Variants in STPG2 observed in about 807,000 individuals in gnomAD.
STPG2 encodes the protein sperm tail PG-rich repeat containing 2.
STPG2 carries 56 observed loss-of-function variants against 54.2 expected under a neutral mutation model. The observed-to-expected ratio is 1.03, with a 90% confidence interval of 0.83 to 1.29. The LOEUF (loss-of-function observed/expected upper bound fraction) is 1.29. Ranked by LOEUF, STPG2 falls within the 50% of genes most tolerant of loss-of-function variation. The pLI, the probability that STPG2 is intolerant of heterozygous loss-of-function variation, is 0.00. For missense variants in STPG2, 596 were observed against 544.9 expected, an observed-to-expected ratio of 1.09 and a Z score of -0.93; for synonymous variants, 200 against 181.8, an observed-to-expected ratio of 1.10 and a Z score of -0.81.
chr4:97,626,063 A>T (rs1163663983), intron 10 of STPG2, among the ~76,000 whole-genome samples: 1 of 152,214 alleles, frequency 6.6e-6, no homozygotes, highest in African/African-American at 2.4e-5. Context: ...CATATGGGCA[A>T]AGTAGTCATC....
chr4:97,623,203 G>A (rs1427198091), intron 10 of STPG2, among the ~76,000 whole-genome samples: 3 of 151,910 alleles, frequency 2.0e-5, no homozygotes. Context: ...CATAGGACCT[G>A]GCAAAGATTT....
At chr4:97,857,716 G>A (rs190513292) in intron 8 of STPG2, among the ~76,000 whole-genome samples, 83 of 151,582 alleles carry the variant, frequency 5.5e-4, no homozygotes, top group Admixed American at 1.2e-3. Context: ...GACCAATCCC[G>A]GAAAAACAGA....
intron 9 of STPG2, among the ~76,000 whole-genome samples, chr4:97,817,003 T>C (rs1389337045): frequency 6.8e-6 from 1 of 148,112 alleles, no homozygotes; most frequent in East Asian, 1.9e-4. Flanking sequence ...TATATACATA[T>C]ATTTCCTATT....
chr4:97,899,297 A>G (rs1270180279), intron 8 of STPG2, among the ~76,000 whole-genome samples: 1 of 151,980 alleles, frequency 6.6e-6, no homozygotes, highest in African/African-American at 2.4e-5. Context: ...TGAGAGTTAC[A>G]AAACAGTGCT....
chr4:97,470,858 T>C (rs1729907309), intron 4 of STPG2, among the ~76,000 whole-genome samples: 1 of 151,998 alleles, frequency 6.6e-6, no homozygotes, highest in African/African-American at 2.4e-5. Flanking sequence ...TGAGATGAAG[T>C]GAGGTGAATG....
At chr4:97,752,667 A>T (rs1331047761) in intron 9 of STPG2, among the ~76,000 whole-genome samples, 1 of 151,788 alleles carries the variant, frequency 6.6e-6, no homozygotes, top group East Asian at 1.9e-4. Context: ...TACATTAATT[A>T]TTTGCTTATA....
At chr4:97,564,998 A>G (rs1732385650) in intron 10 of STPG2, among the ~76,000 whole-genome samples, 1 of 152,092 alleles carries the variant, frequency 6.6e-6, no homozygotes, top group South Asian at 2.1e-4. Flanking sequence ...TAGACTGGGG[A>G]AGTTCTCCTG....
intron 8 of STPG2, among the ~76,000 whole-genome samples, chr4:97,903,484 G>T (rs954473128): frequency 6.6e-6 from 1 of 150,748 alleles, no homozygotes. Flanking sequence ...GTAAATAAAG[G>T]AGAAAAATAA....
At chr4:97,686,979 C>A (rs529980840) in intron 10 of STPG2, among the ~76,000 whole-genome samples, 1 of 149,984 alleles carries the variant, frequency 6.7e-6, no homozygotes, top group South Asian at 2.1e-4. Context: ...CTCGCTCTGT[C>A]GCCCAGGCTG....
chr4:97,619,750 T>C (rs1733963429), intron 10 of STPG2, among the ~76,000 whole-genome samples: 1 of 152,072 alleles, frequency 6.6e-6, no homozygotes, highest in Non-Finnish European at 1.5e-5. Context: ...TCTCTTGCCC[T>C]TCCTAAGTAC....
intron 8 of STPG2, among the ~76,000 whole-genome samples, chr4:97,926,791 AATATT>A (rs1352295409): frequency 2.0e-5 from 3 of 152,156 alleles, no homozygotes; most frequent in African/African-American, 7.2e-5. Context: ...GTTCTTCATT[AATATT>A]ATATTAATAG....
chr4:97,601,342 A>G (rs1339448149), intron 10 of STPG2, among the ~76,000 whole-genome samples: 1 of 152,082 alleles, frequency 6.6e-6, no homozygotes, highest in African/African-American at 2.4e-5. Flanking sequence ...GACTTCTTCT[A>G]ATATGTTAAG....
At chr4:97,443,583 G>A (rs186371969) in intron 4 of STPG2, among the ~76,000 whole-genome samples, 178 of 152,140 alleles carry the variant, frequency 1.2e-3, no homozygotes, top group African/African-American at 4.1e-3. Flanking sequence ...ATAAGAGAAG[G>A]TTATACTCTA....
chr4:97,607,199 C>T (rs1316729108), intron 10 of STPG2, among the ~76,000 whole-genome samples: 1 of 151,906 alleles, frequency 6.6e-6, no homozygotes, highest in Non-Finnish European at 1.5e-5. Context: ...GTAAAATCAG[C>T]TGCTGCTGCT....
At chr4:97,715,558 G>A (rs2149010655) in intron 9 of STPG2, among the ~76,000 whole-genome samples, 1 of 151,884 alleles carries the variant, frequency 6.6e-6, no homozygotes, top group African/African-American at 2.4e-5. Context: ...ACATTAGAGT[G>A]GCCTCAGAAA....
chr4:98,015,096 T>TA (rs1331043119), intron 5 of STPG2, among the ~76,000 whole-genome samples: 2 of 152,094 alleles, frequency 1.3e-5, no homozygotes, highest in Admixed American at 6.5e-5. Context: ...CCTAAAAGCA[T>TA]AAAAACCCAA....
chr4:97,852,071 G>T (rs1729177228), intron 8 of STPG2, among the ~76,000 whole-genome samples: 1 of 152,096 alleles, frequency 6.6e-6, no homozygotes, highest in South Asian at 2.1e-4. Context: ...GGACATAATT[G>T]CTCCTAGTAC....
intron 1 of STPG2, among the ~76,000 whole-genome samples, chr4:98,135,761 A>T (rs995211784): frequency 1.3e-5 from 2 of 151,844 alleles, no homozygotes; most frequent in African/African-American, 4.8e-5. Context: ...GAAATCCTTA[A>T]AAGTAAGCCA....
At chr4:98,090,262 A>G (rs1016232541) in intron 5 of STPG2, among the ~76,000 whole-genome samples, 10 of 152,076 alleles carry the variant, frequency 6.6e-5, no homozygotes, top group African/African-American at 2.4e-4. Context: ...TCATTCTTCT[A>G]CATGTGGCTT....
Sources: allele counts gnomAD v4.1 joint callset (sites outside exome capture counted in the v4.1 genomes callset), GRCh38; gene constraint gnomAD v4.1.1; transcripts MANE v1.5; gene names NCBI Gene and HGNC (gene_info 2026-07-23, HGNC 2026-07-21).